The following EXOC6B variants were observed in gnomAD, a reference collection of about 807,000 sequenced individuals.
The protein encoded by EXOC6B is SEC15 homolog B.
In EXOC6B, 54 loss-of-function variants were observed where a neutral mutation model predicts 113.5. The ratio of observed to expected loss-of-function variants is 0.48; its 90% confidence interval spans 0.38 to 0.60. The LOEUF (loss-of-function observed/expected upper bound fraction) is 0.60, where lower values mean the gene tolerates loss of function less well. Ranked by LOEUF, EXOC6B falls within the 20% of genes least tolerant of loss-of-function variation. The pLI is 0.00. For synonymous variants in EXOC6B, 357 were observed against 339.0 expected (o/e 1.05, Z -0.58); for missense variants, 797 against 977.5 (o/e 0.82, Z 2.46).
chr2:72,341,087 A>G (rs1689008310), intron 19 of EXOC6B, among the ~76,000 whole-genome samples: 1 of 152,174 alleles, frequency 6.6e-6, no homozygotes, highest in Non-Finnish European at 1.5e-5. Context: ...TTGTATGGAC[A>G]TGTAATCATA....
At chr2:72,421,241 T>C (rs1161804463) in intron 18 of EXOC6B, among the ~76,000 whole-genome samples, 1 of 152,182 alleles carries the variant, frequency 6.6e-6, no homozygotes, top group Non-Finnish European at 1.5e-5. Flanking sequence ...TCTTTACATA[T>C]ACTAAATTCC....
Position 72,465,192 on chromosome 2 carries a change from G to A in EXOC6B, c.1948C>T (p.Arg650Cys), listed in dbSNP as rs368898383. Residue 650 changes from arginine (R) to cysteine (C), a missense_variant, in exon 18 of 22, where the codon CGT (arginine) becomes TGT (cysteine). Transcript: ENST00000272427. ...DYLVDLIAFL[R>C]STFAVFTHLP... ...TGTGTGAATACAGCAAAGGTGCTAC[G>A]AAGAAAGGCAATGAGGTCTACCAGG... The A allele has an allele frequency of 2.5e-6, 4 of 1,612,126 alleles. No homozygotes were observed. The highest frequency in any genetic ancestry group is 1.7e-5 in the Admixed American group (1 of 59,714).
At chr2:72,692,313 A>G (rs1189456794) in intron 6 of EXOC6B, among the ~76,000 whole-genome samples, 2 of 151,798 alleles carry the variant, frequency 1.3e-5, no homozygotes, top group African/African-American at 2.4e-5. Flanking sequence ...TCACTACACT[A>G]AGAAGTGTAT....
chr2:72,474,200 G>A (rs1195912475), intron 17 of EXOC6B, among the ~76,000 whole-genome samples: 1 of 151,868 alleles, frequency 6.6e-6, no homozygotes, highest in Admixed American at 6.6e-5. Context: ...AGAAATCTTT[G>A]TGTTTACATT....
Position 72,666,292 on chromosome 2 carries a change from C to A in EXOC6B, c.669+51811G>T, listed in dbSNP as rs113196830. ...CTGGACTTAAACTTGATGCTCAAAC[C>A]ACTAGACCTAACAAACATCTACAGA... On this transcript the variant is annotated intron_variant, in intron 6 of 21. Coordinates refer to ENST00000272427, the MANE Select transcript of EXOC6B (RefSeq NM_015189.3). Among the ~76,000 whole-genome samples, 23 of 152,246 alleles carry A rather than the reference C, an allele frequency of 1.5e-4. 2 individuals are homozygous for A. The highest frequency in any genetic ancestry group is 4.6e-4 in the African/African-American group (19 of 41,542).
intron 6 of EXOC6B, among the ~76,000 whole-genome samples, chr2:72,687,743 C>G (rs1249644943): frequency 1.3e-5 from 2 of 152,190 alleles, no homozygotes; most frequent in African/African-American, 4.8e-5. Flanking sequence ...TGCCAAACAA[C>G]TGTCCCTCTC....
At position 72,544,403 on chromosome 2, in the gene EXOC6B, A is replaced by AT. The variant is rs891060600; in HGVS notation, c.915+15049dup. The stretch of plus-strand genomic sequence containing the variant: ...TATATGTTTCAAATAAACATGACGG[A>AT]TTTTTTTTAAAACTGAGTCCTCATC... On this transcript the variant is annotated intron_variant, in intron 8 of 21. Coordinates refer to ENST00000272427, the MANE Select transcript of EXOC6B (RefSeq NM_015189.3). Among the ~76,000 whole-genome samples the AT allele has an allele frequency of 5.9e-5, 9 of 151,996 alleles. No homozygotes were observed. The East Asian group carries it at 9.7e-4, about 16-fold the overall frequency.
rs1677878816 is a variant in EXOC6B, at chr2:72,178,557, A to T, written c.*778T>A. 1 of 152,220 alleles carries T rather than the reference A, an allele frequency of 6.6e-6. No homozygotes were observed. The highest frequency in any genetic ancestry group is 6.5e-5 in the Admixed American group (1 of 15,278). 9.4% of individuals were successfully genotyped at this position (152,220 alleles called of 1,614,324 possible). A position where few individuals can be genotyped will look rare whatever the true frequency, so the allele number is the denominator to read the frequency against. On this transcript the variant is annotated 3_prime_UTR_variant, in exon 22 of 22. Transcript: ENST00000272427. ...GAACAGGGAAGGGATTGGGTCTCTG[A>T]TTCCATGAAAACTGGCTTTCAAGAT... is the stretch of plus-strand genomic sequence containing the variant.
intron 1 of EXOC6B, 78 bp from the exon 2 acceptor site, chr2:72,741,547 A>T: frequency 7.6e-7 from 1 of 1,323,376 alleles, no homozygotes. Context: ...TCCAGAAGCA[A>T]ATTTAGGGCA....
chr2:72,242,764 A>T (rs1682396621), intron 20 of EXOC6B, among the ~76,000 whole-genome samples: 1 of 152,132 alleles, frequency 6.6e-6, no homozygotes, highest in Non-Finnish European at 1.5e-5. Flanking sequence ...GCAAGGTCTC[A>T]CTCTGTCACC....
chr2:72,487,463 C>A (rs1266903994), intron 16 of EXOC6B, among the ~76,000 whole-genome samples: 1 of 152,124 alleles, frequency 6.6e-6, no homozygotes, highest in Non-Finnish European at 1.5e-5. Context: ...CTATTTCAAG[C>A]GATTCTCCCG....
intron 6 of EXOC6B, among the ~76,000 whole-genome samples, chr2:72,600,609 G>A (rs1338781490): frequency 1.3e-5 from 2 of 152,076 alleles, no homozygotes. Context: ...ATGGAAAGGA[G>A]AGTCATTTCA....
chr2:72,265,865 C>T (rs947103242), intron 20 of EXOC6B, among the ~76,000 whole-genome samples: 1 of 152,208 alleles, frequency 6.6e-6, no homozygotes, highest in East Asian at 1.9e-4. Context: ...TTTACAGTCC[C>T]AGCAACAGTG....
intron 1 of EXOC6B, among the ~76,000 whole-genome samples, chr2:72,812,059 A>G (rs879506473): frequency 1.3e-5 from 2 of 152,200 alleles, no homozygotes; most frequent in African/African-American, 4.8e-5. Flanking sequence ...TAAGGAAATA[A>G]AAGGCATAAA....
chr2:72,680,316 C>T (rs1272999936), intron 6 of EXOC6B, among the ~76,000 whole-genome samples: 1 of 152,184 alleles, frequency 6.6e-6, no homozygotes, highest in African/African-American at 2.4e-5. Flanking sequence ...CATTTTTTAA[C>T]TTCTCTTTAC....
At chr2:72,669,373 C>A (rs180872867) in intron 6 of EXOC6B, among the ~76,000 whole-genome samples, 1 of 149,748 alleles carries the variant, frequency 6.7e-6, no homozygotes, top group African/African-American at 2.4e-5. Context: ...AAGGGAAAAA[C>A]GAAGTCAAGA....
intron 20 of EXOC6B, among the ~76,000 whole-genome samples, chr2:72,224,957 T>C (rs1039630437): frequency 3.3e-5 from 5 of 150,760 alleles, no homozygotes; most frequent in African/African-American, 1.2e-4. Context: ...TATATTTCTG[T>C]ATGTGTATAT....
At chr2:72,402,387 C>A (rs988178684) in intron 18 of EXOC6B, among the ~76,000 whole-genome samples, 1 of 151,996 alleles carries the variant, frequency 6.6e-6, no homozygotes, top group Non-Finnish European at 1.5e-5. Flanking sequence ...GAATTGTAAC[C>A]AAAAATATAA....
At chr2:72,814,347 C>A (rs987455292) in intron 1 of EXOC6B, among the ~76,000 whole-genome samples, 1 of 152,136 alleles carries the variant, frequency 6.6e-6, no homozygotes, top group Non-Finnish European at 1.5e-5. Context: ...TTATTGTTGT[C>A]GTTGCTTTTG....
Sources: allele counts gnomAD v4.1 joint callset (sites outside exome capture counted in the v4.1 genomes callset), GRCh38; gene constraint gnomAD v4.1.1; transcripts MANE v1.5; gene names NCBI Gene and HGNC (gene_info 2026-07-23, HGNC 2026-07-21).